Variants in LAS1L observed in about 807,000 individuals in gnomAD.
The protein encoded by LAS1L is ribosomal biogenesis protein LAS1L.
In LAS1L, 5 loss-of-function variants were observed where a neutral mutation model predicts 57.3. That is an observed-to-expected ratio of 0.09 (90% CI 0.05 to 0.18). The LOEUF is 0.18. Ranked by LOEUF, LAS1L falls within the 10% of genes least tolerant of loss-of-function variation. The pLI, the probability that LAS1L is intolerant of heterozygous loss-of-function variation, is 1.00. For synonymous variants in LAS1L, 245 were observed against 231.7 expected (o/e 1.06, Z -0.52); for missense variants, 360 against 568.3 (o/e 0.63, Z 3.73).
intron 1 of LAS1L, 36 bp downstream of exon 1, chrX:65,534,444 A>C: frequency 9.5e-7 from 1 of 1,050,831 alleles, no homozygotes; most frequent in Non-Finnish European, 1.3e-6. Flanking sequence ...CAGCGCCACC[A>C]GCACGCAGGC....
At chrX:65,533,796 C>A in intron 1 of LAS1L, 61 bp from the exon 2 acceptor site, 1 of 1,148,627 alleles carries the variant, frequency 8.7e-7, no homozygotes, top group Non-Finnish European at 1.2e-6. Flanking sequence ...CCCTCCACCT[C>A]AGAACCTAGG....
chrX:65,526,475 A>C (rs754062846), intron 7 of LAS1L, among the ~76,000 whole-genome samples: 2 of 111,730 alleles, frequency 1.8e-5, no homozygotes, highest in East Asian at 5.6e-4. Context: ...CAAGAAACCT[A>C]GGCTGGGCAA....
chrX:65,524,708 A>G (rs1356267030), intron 8 of LAS1L, 94 bp from the exon 9 acceptor site: 2 of 497,603 alleles, frequency 4.0e-6, no homozygotes, highest in Non-Finnish European at 7.3e-6. Context: ...CACAACGAAC[A>G]TGGCACAATA....
At chrX:65,518,713 T>C (rs1413908548) in intron 11 of LAS1L, 1 of 543,855 alleles carries the variant, frequency 1.8e-6, no homozygotes, top group Non-Finnish European at 2.2e-6. Flanking sequence ...TATAGGATTG[T>C]TGGGAGGAGT....
intron 4 of LAS1L, among the ~76,000 whole-genome samples, chrX:65,530,503 G>A (rs1034460041): frequency 9.1e-6 from 1 of 110,482 alleles, no homozygotes; most frequent in Non-Finnish European, 1.9e-5. Context: ...ACATGATGAA[G>A]CCCCAGCTCT....
intron 11 of LAS1L, chrX:65,518,950 G>C (rs1253993528): frequency 1.3e-6 from 1 of 752,437 alleles, no homozygotes; most frequent in Non-Finnish European, 1.6e-6. Flanking sequence ...CTTCTGCGTG[G>C]AACACAAACT....
chrX:65,524,503 CAAAAT>C (rs1382054071), intron 9 of LAS1L, 56 bp downstream of exon 9: 17 of 512,033 alleles, frequency 3.3e-5, no homozygotes, highest in Non-Finnish European at 4.6e-5. Context: ...ACAACTGACT[CAAAAT>C]AAAGTATAAA....
chrX:65,523,328 T>G (rs1324736910), intron 11 of LAS1L: 14 of 331,700 alleles, frequency 4.2e-5, no homozygotes, highest in Non-Finnish European at 6.8e-5. Context: ...AGGGGGATTG[T>G]CTTATCCATT....
At chrX:65,518,737 C>T (rs1260852832) in intron 11 of LAS1L, 2 of 647,106 alleles carry the variant, frequency 3.1e-6, no homozygotes, top group African/African-American at 4.8e-5. Context: ...TAAGAAAGCT[C>T]ACATAGAATG....
intron 12 of LAS1L, among the ~76,000 whole-genome samples, chrX:65,516,921 C>G (rs1185799823): frequency 9.0e-6 from 1 of 110,868 alleles, no homozygotes; most frequent in Non-Finnish European, 1.9e-5. Flanking sequence ...CACTGCCTCC[C>G]CTCTCACTCT....
chrX:65,525,765 A>AAAAAAAAAAAAAAAAAAAG (rs1556309415), intron 7 of LAS1L, among the ~76,000 whole-genome samples: 14 of 107,504 alleles, frequency 1.3e-4, no homozygotes, highest in African/African-American at 4.6e-4. Context: ...AAAAAAAAAA[A>AAAAAAAAAAAAAAAAAAAG]AAAGAAAGAA....
Position 65,517,947 on chromosome X carries a change from A to G in LAS1L, c.1927+40T>C, listed in dbSNP as rs768343534. On this transcript the variant is annotated intron_variant, in intron 12 of 13. Transcript: ENST00000374811. Reference sequence around the variant, plus strand: ...AGAAGGAAGCCTCAAGAGCCAGCCAAAGAGAAAAGAAGTCCATGTGGGGAC... The same window carrying G: ...AGAAGGAAGCCTCAAGAGCCAGCCAGAGAGAAAAGAAGTCCATGTGGGGAC... 2.4e-5 allele frequency: 28 copies of G among 1,148,580 alleles called. No individual in the cohort carries two copies. In the Middle Eastern group the frequency reaches 2.0e-3, roughly 82 times the overall value. The allele number at this position is 1,148,580 out of a possible 1,213,427, so 94.7% of individuals were successfully genotyped here.
intron 11 of LAS1L, among the ~76,000 whole-genome samples, chrX:65,519,580 T>C (rs190080944): frequency 9.0e-5 from 10 of 111,683 alleles, no homozygotes; most frequent in Non-Finnish European, 1.5e-4. Context: ...ATGATGACAC[T>C]GTGCACACAA....
rs1321832659 is a variant in LAS1L at position 65,529,738 on chromosome X, C to T, written c.655G>A (p.Val219Ile). The change falls in exon 5 of 14, where the codon GTT becomes ATT. Residue 219 changes from valine (V) to isoleucine (I), a missense_variant. Around this residue, in one of 7 missense-constraint regions of LAS1L, gnomAD observed 51 missense variants for 43.1 expected, o/e 1.18. Coordinates refer to ENST00000374811, the MANE Select transcript of LAS1L (RefSeq NM_031206.7). Reference sequence around the variant, plus strand: ...GGTTTCTGTTCTGTGATGTCATCAACAACAATGTTCTTATCTTCCTCTTGA... The same window carrying T: ...GGTTTCTGTTCTGTGATGTCATCAATAACAATGTTCTTATCTTCCTCTTGA... ...EDQEEDKNIVVDDITEQKPEP... is the reference protein window; with the variant it reads ...EDQEEDKNIVIDDITEQKPEP... 8.3e-7 allele frequency: 1 copy of T among 1,211,943 alleles called. No homozygotes were observed.
chrX:65,512,704 G>A lies in LAS1L; in HGVS notation c.*71C>T, dbSNP rs1013299770. On this transcript the variant is annotated 3_prime_UTR_variant, in exon 14 of 14. Transcript: ENST00000374811. ...GCTGTCTCCCAGGTTGTCTCAGGGAGCATCAGTTGTACTAGGGGGTGGGCT... is the reference window on the plus strand; with the variant it reads ...GCTGTCTCCCAGGTTGTCTCAGGGAACATCAGTTGTACTAGGGGGTGGGCT... The A allele has an allele frequency of 9.7e-5, 105 of 1,084,980 alleles. No individual in the cohort carries two copies. The highest frequency in any genetic ancestry group is 1.2e-4 in the Non-Finnish European group (97 of 817,867). The allele number at this position is 1,084,980 out of a possible 1,213,427, so 89.4% of individuals were successfully genotyped here.
At chrX:65,524,742 C>CA in intron 8 of LAS1L, 128 bp from the exon 9 acceptor site, 1 of 448,111 alleles carries the variant, frequency 2.2e-6, no homozygotes, top group Non-Finnish European at 4.0e-6. Flanking sequence ...TCCCCGACCC[C>CA]ACCCCATCCC....
chrX:65,532,425 G>A, intron 3 of LAS1L, 136 bp downstream of exon 3: 1 of 500,057 alleles, frequency 2.0e-6, no homozygotes, highest in Non-Finnish European at 3.5e-6. Context: ...TGGAAGCTGA[G>A]GCTCTGGGAT....
chrX:65,531,626 T>C (rs1377429774), intron 3 of LAS1L, among the ~76,000 whole-genome samples, 188 bp from the exon 4 acceptor site: 2 of 112,322 alleles, frequency 1.8e-5, no homozygotes, highest in African/African-American at 6.5e-5. Context: ...TATTCTTTTT[T>C]TACTGCTCTA....
At chrX:65,517,247 TTTC>T (rs138397112) in intron 12 of LAS1L, among the ~76,000 whole-genome samples, 8,733 of 97,007 alleles carry the variant, frequency 0.09, 1,227 homozygotes, top group African/African-American at 0.41. Context: ...TCTTTCTTTC[TTTC>T]TTTTTTTTTT....
Sources: gnomAD v4.1 joint callset for allele counts (sites outside exome capture counted in the v4.1 genomes callset) on GRCh38, gnomAD v4.1.1 for gene constraint, gnomAD v4.1.1 regional missense constraint, MANE v1.5 for transcripts, NCBI Gene and HGNC (gene_info 2026-07-23, HGNC 2026-07-21) for gene names.